Variants in SNCAIP observed in about 807,000 individuals in gnomAD.
SNCAIP encodes the protein synphilin-1.
SNCAIP carries 43 observed loss-of-function variants against 86.7 expected under a neutral mutation model. The ratio of observed to expected loss-of-function variants is 0.50; its 90% CI spans 0.39 to 0.64. The LOEUF is 0.64. Ranked by LOEUF, SNCAIP falls within the 30% of genes least tolerant of loss-of-function variation. SNCAIP has a pLI of 0.00. For missense variants in SNCAIP, 981 were observed against 1,103.1 expected (o/e 0.89, Z 1.57); for synonymous variants, 417 against 427.2 (o/e 0.98, Z 0.29).
chr5:122,332,117 A>C (rs80220377), intron 1 of SNCAIP, among the ~76,000 whole-genome samples: 1 of 152,380 alleles, frequency 6.6e-6, no homozygotes, highest in Non-Finnish European at 1.5e-5. Flanking sequence ...AGATGCATCA[A>C]TAGGAAAATT....
At chr5:122,452,288 G>T (rs1265057601) in intron 10 of SNCAIP, among the ~76,000 whole-genome samples, 1 of 152,144 alleles carries the variant, frequency 6.6e-6, no homozygotes, top group Non-Finnish European at 1.5e-5. Flanking sequence ...GTGGATAGGC[G>T]ATATGAACAT....
chr5:122,390,083 ATTG>A (rs1373981357), intron 1 of SNCAIP, among the ~76,000 whole-genome samples: 1 of 152,138 alleles, frequency 6.6e-6, no homozygotes, highest in Non-Finnish European at 1.5e-5. Flanking sequence ...TGCACTCCTT[ATTG>A]TTCAGCAAGG....
In SNCAIP at chr5:122,372,838, A is replaced by G. The variant is rs537702761; in HGVS notation, c.-46-18251A>G. On this transcript the variant is annotated intron_variant, in intron 1 of 10. Coordinates refer to ENST00000261368, the MANE Select transcript of SNCAIP (RefSeq NM_005460.4). ...TCCCTCCCTTCTTCCTTCCTTCTTT[A>G]TAACCATCCTTACTTCCTTCAGAAG... Among the ~76,000 whole-genome samples the G allele has an allele frequency of 8.3e-4, 125 of 150,414 alleles. 1 individual carries two copies. Among genetic ancestry groups the G allele is most frequent in the African/African-American group, 3.0e-3 (122 of 40,794 alleles).
At chr5:122,389,427 C>T (rs763279601) in intron 1 of SNCAIP, 2 of 152,232 alleles carry the variant, frequency 1.3e-5, no homozygotes, top group Admixed American at 1.3e-4. Flanking sequence ...AAGAAAGTCT[C>T]CTAGTGAACA....
intron 1 of SNCAIP, among the ~76,000 whole-genome samples, chr5:122,376,353 A>G (rs1765319840): frequency 6.6e-6 from 1 of 151,688 alleles, no homozygotes; most frequent in African/African-American, 2.4e-5. Context: ...AAATCAAAAT[A>G]AAGCATAACC....
chr5:122,322,095 GCAT>G (rs1466488413), intron 1 of SNCAIP, among the ~76,000 whole-genome samples: 5 of 152,242 alleles, frequency 3.3e-5, no homozygotes, highest in Non-Finnish European at 7.3e-5. Context: ...AGAGTAGCCT[GCAT>G]CAGGGAGCTG....
intron 2 of SNCAIP, chr5:122,401,052 A>G (rs767226542): frequency 1.9e-5 from 30 of 1,550,124 alleles, no homozygotes; most frequent in Non-Finnish European, 2.5e-5. Flanking sequence ...GGAAGATGCA[A>G]TGGGCTTTGG....
intron 7 of SNCAIP, chr5:122,443,751 T>C (rs1781646897): frequency 2.3e-6 from 1 of 437,570 alleles, no homozygotes; most frequent in Non-Finnish European, 4.6e-6. Context: ...TCCCTGAAAG[T>C]TGTCCCTGCT....
At chr5:122,417,015 A>T (rs1390580246) in intron 3 of SNCAIP, among the ~76,000 whole-genome samples, 2 of 152,222 alleles carry the variant, frequency 1.3e-5, no homozygotes, top group African/African-American at 4.8e-5. Flanking sequence ...ACACTACTTT[A>T]TCCTAAATCA....
intron 1 of SNCAIP, among the ~76,000 whole-genome samples, chr5:122,366,786 G>A (rs1470260174): frequency 3.9e-5 from 6 of 152,160 alleles, no homozygotes; most frequent in Non-Finnish European, 7.3e-5. Context: ...CTTCCCTGTA[G>A]GCAGTGGGAA....
intron 6 of SNCAIP, among the ~76,000 whole-genome samples, chr5:122,439,803 C>A (rs1327970581): frequency 6.6e-6 from 1 of 152,066 alleles, no homozygotes; most frequent in Non-Finnish European, 1.5e-5. Flanking sequence ...TATATTTAAT[C>A]TTCTATTTTA....
Position 122,425,579 on chromosome 5 carries a change from A to G in SNCAIP, c.1182+48A>G, listed in dbSNP as rs75441649. On this transcript the variant is annotated intron_variant, in intron 5 of 10. Transcript: ENST00000261368. ...CTCCACAGCTAGAAGCTGGATTTCT[A>G]TTTTTTAAGATTCCTTGTGAGCTAA... is the stretch of plus-strand genomic sequence containing the variant. 3,452 of 1,470,262 alleles carry G rather than the reference A, an allele frequency of 2.3e-3. 65 individuals carry two copies. The African/African-American group carries it at 0.042, about 18-fold the overall frequency. The allele number at this position is 1,470,262 out of a possible 1,614,324, so 91.1% of individuals were successfully genotyped here.
intron 1 of SNCAIP, among the ~76,000 whole-genome samples, chr5:122,344,672 A>T (rs1043203520): frequency 6.6e-6 from 1 of 152,230 alleles, no homozygotes; most frequent in East Asian, 1.9e-4. Flanking sequence ...AAGGAGGGTT[A>T]AGCACAATAT....
chr5:122,331,465 A>C (rs1755329373), intron 1 of SNCAIP, among the ~76,000 whole-genome samples: 2 of 152,246 alleles, frequency 1.3e-5, no homozygotes, highest in Non-Finnish European at 2.9e-5. Flanking sequence ...CTTATGGAGA[A>C]TTACTTAAGA....
At chr5:122,393,597 G>T (rs558295351) in intron 2 of SNCAIP, among the ~76,000 whole-genome samples, 101 of 152,202 alleles carry the variant, frequency 6.6e-4, no homozygotes, top group African/African-American at 2.3e-3. Flanking sequence ...GACATATTTT[G>T]TTGTCATACC....
intron 1 of SNCAIP, among the ~76,000 whole-genome samples, chr5:122,384,821 G>T (rs1157428381): frequency 6.6e-6 from 1 of 152,156 alleles, no homozygotes. Context: ...GATGTGCTCT[G>T]TGTTCACTCT....
chr5:122,423,798 C>T, intron 4 of SNCAIP, 59 bp downstream of exon 4: 1 of 1,439,064 alleles, frequency 6.9e-7, no homozygotes. Context: ...TTTTAATAAA[C>T]TGCATTCGTT....
intron 6 of SNCAIP, among the ~76,000 whole-genome samples, chr5:122,434,982 T>C (rs1338555930): frequency 6.6e-6 from 1 of 152,178 alleles, no homozygotes; most frequent in Non-Finnish European, 1.5e-5. Context: ...TTCATATAGA[T>C]TCCTAAAGAA....
intron 1 of SNCAIP, among the ~76,000 whole-genome samples, chr5:122,385,939 G>A (rs1221447703): frequency 1.3e-5 from 2 of 152,108 alleles, no homozygotes. Context: ...TGAGCCTTCA[G>A]AATGAGTCCA....
Sources: gnomAD v4.1 joint callset for allele counts (sites outside exome capture counted in the v4.1 genomes callset) on GRCh38, gnomAD v4.1.1 for gene constraint, MANE v1.5 for transcripts, NCBI Gene and HGNC (gene_info 2026-07-23, HGNC 2026-07-21) for gene names.